SCYGR6: variants seen among roughly 807,000 people sequenced by gnomAD.
SCYGR6 encodes small cysteine and glycine repeat-containing protein 6.
chr2:227,724,677 G>T, exon 1 of SCYGR6: 1 of 408,022 alleles, frequency 2.5e-6, no homozygotes, highest in Non-Finnish European at 4.3e-6. Context: ...CACCACCGCA[G>T]CCACCACCAC....
Position 227,724,537 on chromosome 2 carries a change from T to C in SCYGR6, c.221A>G (p.His74Arg), listed in dbSNP as rs958911537. 15 of 397,638 alleles carry C rather than the reference T, an allele frequency of 3.8e-5. No homozygotes were observed. In the Admixed American group the frequency reaches 4.9e-4, roughly 13 times the overall value. The allele number at this position is 397,638 out of a possible 1,614,324, so 24.6% of individuals were successfully genotyped here. The change falls in exon 1 of 1, where the codon CAC becomes CGC. Residue 74 changes from histidine (H) to arginine (R), a missense_variant. Physicochemically the swap from His to Arg is conservative, Grantham distance 29. Coordinates refer to ENST00000641918, the Ensembl canonical transcript of SCYGR6. The stretch of plus-strand genomic sequence containing the variant: ...ACAGCCACAGCCGCAGCCACATGAG[T>C]GGCAGGTGCGGCGGCAGCAACAGAT...
chr2:227,724,594 C>T (rs1032421816), exon 1 of SCYGR6: 3 of 399,464 alleles, frequency 7.5e-6, no homozygotes, highest in Non-Finnish European at 1.3e-5. Flanking sequence ...TCCACAGCAG[C>T]CGCGGCAGCA....
exon 1 of SCYGR6, chr2:227,724,558 C>G (rs935761795): frequency 2.3e-5 from 9 of 398,742 alleles, no homozygotes; most frequent in Non-Finnish European, 3.1e-5. Context: ...GCGGCAGCAA[C>G]AGATCACGGG....
In SCYGR6 at chr2:227,724,464, G is replaced by GCAGCCCTTCTGCTGGCAA. The variant is rs1162887424; in HGVS notation, c.293_294insTTGCCAGCAGAAGGGCTG (p.Gln94_Cys99dup). The GCAGCCCTTCTGCTGGCAA allele has an allele frequency of 1.5e-3, 546 of 355,404 alleles. 7 individuals are homozygous for GCAGCCCTTCTGCTGGCAA. The Admixed American group carries it at 0.022, about 14-fold the overall frequency. 22.0% of individuals were successfully genotyped at this position (355,404 alleles called of 1,614,324 possible). A position where few individuals can be genotyped will look rare whatever the true frequency, so the allele number is the denominator to read the frequency against. The stretch of plus-strand genomic sequence containing the variant: ...CCTAGCAGCAGCATTGCTTCTTGCA[G>GCAGCCCTTCTGCTGGCAA]CAGCCCTTCTGCTGACAGCAGCCCT... On this transcript the variant is annotated inframe_insertion, in exon 1 of 1. Coordinates refer to ENST00000641918, the Ensembl canonical transcript of SCYGR6.
At chr2:227,724,656 G>A (rs112270544) in exon 1 of SCYGR6, 146,543 of 402,240 alleles carry the variant, frequency 0.36, 27,472 homozygotes, top group Non-Finnish European at 0.4. Context: ...AGGTGGTGCA[G>A]CTGCCACAGC....
At chr2:227,724,709 C>T (rs1024272589) in exon 1 of SCYGR6, 19 of 410,198 alleles carry the variant, frequency 4.6e-5, no homozygotes, top group East Asian at 1.4e-4. Context: ...CAGCCACCAC[C>T]GCAGCCACCG....
At chr2:227,724,633 C>A (rs1013119411) in exon 1 of SCYGR6, 2 of 401,490 alleles carry the variant, frequency 5.0e-6, no homozygotes, top group African/African-American at 4.1e-5. Context: ...GCAGCCCACC[C>A]GGTAGCACCT....
At chr2:227,724,694 CACT>C (rs1187361205) in exon 1 of SCYGR6, 3 of 411,076 alleles carry the variant, frequency 7.3e-6, no homozygotes, top group Admixed American at 8.8e-5. Context: ...CCACAGCCAC[CACT>C]GCAGCCACCA....
exon 1 of SCYGR6, chr2:227,724,523 C>T (rs113823535): frequency 0.11 from 42,779 of 398,930 alleles, 2,761 homozygotes; most frequent in South Asian, 0.27. Flanking sequence ...CAGCCACAGC[C>T]GCAGCCACAT....
chr2:227,724,551 G>A (rs1292033808), exon 1 of SCYGR6: 2 of 398,776 alleles, frequency 5.0e-6, no homozygotes, highest in Non-Finnish European at 8.8e-6. Flanking sequence ...AGGTGCGGCG[G>A]CAGCAACAGA....
At chr2:227,724,686 A>ACAGCCACCGCAGCCACCACCG (rs1696530469) in exon 1 of SCYGR6, 3 of 409,254 alleles carry the variant, frequency 7.3e-6, no homozygotes, top group African/African-American at 6.2e-5. Context: ...AGCCACCACC[A>ACAGCCACCGCAGCCACCACCG]CAGCCACCAC....
At chr2:227,724,650 G>T in exon 1 of SCYGR6, 1 of 403,388 alleles carries the variant, frequency 2.5e-6, no homozygotes, top group Non-Finnish European at 4.4e-6. Context: ...ACCTGCAGGT[G>T]GTGCAGCTGC....
At chr2:227,724,709 C>A (rs1024272589) in exon 1 of SCYGR6, 21 of 410,312 alleles carry the variant, frequency 5.1e-5, no homozygotes, top group South Asian at 1.2e-4. Context: ...CAGCCACCAC[C>A]GCAGCCACCG....
exon 1 of SCYGR6, chr2:227,724,626 G>A: frequency 2.5e-6 from 1 of 400,730 alleles, no homozygotes; most frequent in Non-Finnish European, 4.4e-6. Context: ...TGGAGCAGCA[G>A]CCCACCCGGT....
At chr2:227,724,624 C>T (rs1030268534) in exon 1 of SCYGR6, 4 of 400,634 alleles carry the variant, frequency 1.0e-5, no homozygotes, top group South Asian at 1.2e-4. Flanking sequence ...GCTGGAGCAG[C>T]AGCCCACCCG....
chr2:227,724,718 C>G (rs999515469), exon 1 of SCYGR6: 1 of 411,788 alleles, frequency 2.4e-6, no homozygotes, highest in Non-Finnish European at 4.2e-6. Context: ...CCGCAGCCAC[C>G]GCAGCCACCA....
exon 1 of SCYGR6, chr2:227,724,461 G>GCAGCAGCCCTTCTGCTGA (rs58225386): frequency 1.1e-4 from 44 of 398,704 alleles, no homozygotes; most frequent in East Asian, 9.3e-4. Context: ...ATTGCTTCTT[G>GCAGCAGCCCTTCTGCTGA]CAGCAGCCCT....
exon 1 of SCYGR6, chr2:227,724,597 C>T (rs1016855625): frequency 8.0e-5 from 32 of 399,098 alleles, no homozygotes; most frequent in East Asian, 2.2e-4. Flanking sequence ...ACAGCAGCCG[C>T]GGCAGCAGGG....
exon 1 of SCYGR6, chr2:227,724,663 C>T: frequency 2.5e-6 from 1 of 404,392 alleles, no homozygotes; most frequent in Non-Finnish European, 4.3e-6. Context: ...GCAGCTGCCA[C>T]AGCCACCACC....
Sources: gnomAD v4.1 joint callset for allele counts on GRCh38, gnomAD v4.1.1 for gene constraint, MANE v1.5 for transcripts, NCBI Gene and HGNC (gene_info 2026-07-23, HGNC 2026-07-21) for gene names.